The following PCBD2 variants were observed in gnomAD, a reference collection of about 807,000 sequenced individuals.
PCBD2 encodes pterin-4 alpha-carbinolamine dehydratase 2.
A neutral mutation model predicts 16.4 loss-of-function variants in PCBD2; 12 were observed. The observed-to-expected ratio is 0.73, with a 90% CI of 0.47 to 1.19. The LOEUF (loss-of-function observed/expected upper bound fraction) is 1.19. Among genes scored for constraint, PCBD2 ranks in the 50% most tolerant of loss-of-function variants. The pLI is 0.00. For synonymous variants in PCBD2, 58 were observed against 61.8 expected, an observed-to-expected ratio of 0.94 and a Z score of 0.29; for missense variants, 138 against 156.8, an observed-to-expected ratio of 0.88 and a Z score of 0.64.
chr5:134,920,296 T>C (rs1750887218), intron 2 of PCBD2, among the ~76,000 whole-genome samples: 1 of 152,236 alleles, frequency 6.6e-6, no homozygotes, highest in East Asian at 1.9e-4. Flanking sequence ...TACTGGGTCA[T>C]GTCACAGTTA....
At chr5:134,918,154 G>A (rs1191189351) in intron 2 of PCBD2, among the ~76,000 whole-genome samples, 1 of 152,206 alleles carries the variant, frequency 6.6e-6, no homozygotes, top group East Asian at 1.9e-4. Flanking sequence ...ACCTGTGGAG[G>A]ATAGGGAAGC....
At chr5:134,922,281 G>A (rs551143752) in intron 2 of PCBD2, among the ~76,000 whole-genome samples, 3 of 152,242 alleles carry the variant, frequency 2.0e-5, no homozygotes, top group East Asian at 3.9e-4. Flanking sequence ...CTGGGCTCAA[G>A]CGATCCTCCT....
chr5:134,922,663 CTTT>C (rs1428418013), intron 2 of PCBD2, among the ~76,000 whole-genome samples: 5 of 135,850 alleles, frequency 3.7e-5, no homozygotes, highest in Non-Finnish European at 6.5e-5. Flanking sequence ...GAAGGAAAAT[CTTT>C]TTTTTTTTTT....
intron 1 of PCBD2, among the ~76,000 whole-genome samples, chr5:134,905,997 C>T (rs1750683435): frequency 6.6e-6 from 1 of 151,758 alleles, no homozygotes; most frequent in Non-Finnish European, 1.5e-5. Flanking sequence ...CTCACCCTCC[C>T]GAGTAGCTGC....
chr5:134,940,882 C>A (rs1260912077), intron 2 of PCBD2, among the ~76,000 whole-genome samples: 1 of 152,074 alleles, frequency 6.6e-6, no homozygotes, highest in African/African-American at 2.4e-5. Context: ...GTAATCCCAG[C>A]ACTTTGGAAG....
chr5:134,942,322 C>T (rs1013424135), intron 2 of PCBD2, among the ~76,000 whole-genome samples: 2 of 151,968 alleles, frequency 1.3e-5, no homozygotes, highest in Admixed American at 6.6e-5. Flanking sequence ...TTATGAGGTG[C>T]GTGACTTTGG....
At chr5:134,944,791 T>G (rs1201867841) in intron 2 of PCBD2, among the ~76,000 whole-genome samples, 3 of 152,236 alleles carry the variant, frequency 2.0e-5, no homozygotes, top group African/African-American at 7.2e-5. Context: ...TTCTGCATGT[T>G]CCTAGAATGA....
Position 134,905,206 on chromosome 5 carries a change from C to G in PCBD2, c.67C>G (p.Leu23Val). The G allele has an allele frequency of 8.2e-7, 1 of 1,224,378 alleles. No homozygotes were observed. Among genetic ancestry groups the G allele is most frequent in the Non-Finnish European group, 1.0e-6 (1 of 983,370 alleles). 75.8% of individuals were successfully genotyped at this position (1,224,378 alleles called of 1,614,324 possible). A position where few individuals can be genotyped will look rare whatever the true frequency, so the allele number is the denominator to read the frequency against. The change falls in exon 1 of 4, where the codon CTA becomes GTA. Residue 23 changes from leucine (L) to valine (V), a missense_variant. Leu to Val is a conservative substitution (Grantham distance 32). Transcript: ENST00000254908. Reference protein sequence around the residue: ...RLLAALRGQSLGLAAMSSGTH... With the variant: ...RLLAALRGQSVGLAAMSSGTH... ...GTTGGCGGCGCTGCGAGGCCAGAGC[C>G]TAGGGCTAGCGGCCATGGTGAGTGC...
intron 2 of PCBD2, among the ~76,000 whole-genome samples, chr5:134,936,310 T>C (rs1376201951): frequency 2.0e-5 from 3 of 152,168 alleles, no homozygotes; most frequent in Non-Finnish European, 4.4e-5. Flanking sequence ...CCCCGGCCTC[T>C]CACACAGCCT....
At position 134,928,646 on chromosome 5, in the gene PCBD2, A is replaced by G. The variant is rs1466639741; in HGVS notation, c.216+18180A>G. The stretch of plus-strand genomic sequence containing the variant: ...TCAGGAGATTGAGACCATCCTGGCT[A>G]ACGTGGTGAAACCCCGTCTCTACTA... On this transcript the variant is annotated intron_variant, in intron 2 of 3. Coordinates refer to ENST00000254908, the MANE Select transcript of PCBD2 (RefSeq NM_032151.5). The G allele has an allele frequency of 1.8e-5, 3 of 169,966 alleles. No individual in the cohort carries two copies. The Admixed American group carries it at 1.9e-4, about 11-fold the overall frequency. The allele number at this position is 169,966 out of a possible 1,614,324, so 10.5% of individuals were successfully genotyped here. A position where few individuals can be genotyped will look rare whatever the true frequency, so the allele number is the denominator to read the frequency against.
intron 2 of PCBD2, among the ~76,000 whole-genome samples, chr5:134,955,805 G>C (rs936870111): frequency 6.6e-6 from 1 of 152,140 alleles, no homozygotes; most frequent in African/African-American, 2.4e-5. Context: ...TTAGCTCAAA[G>C]CCTTTGAGCT....
chr5:134,927,993 G>A (rs1751038411), intron 2 of PCBD2: 1 of 396,212 alleles, frequency 2.5e-6, no homozygotes, highest in African/African-American at 2.1e-5. Flanking sequence ...GGAGAGTCAT[G>A]TCAGTGGTAG....
intron 2 of PCBD2, among the ~76,000 whole-genome samples, chr5:134,952,473 T>G (rs544673625): frequency 2.3e-4 from 35 of 152,356 alleles, no homozygotes; most frequent in African/African-American, 8.2e-4. Context: ...TTTAAAATTA[T>G]GTTTGTTTGT....
At chr5:134,922,928 C>T (rs1421950114) in intron 2 of PCBD2, among the ~76,000 whole-genome samples, 11 of 151,998 alleles carry the variant, frequency 7.2e-5, no homozygotes, top group Admixed American at 1.3e-4. Flanking sequence ...CACCCACCTC[C>T]GCCTCCCAAA....
Position 134,941,008 on chromosome 5 carries a change from C to T in PCBD2, c.217-18032C>T, listed in dbSNP as rs540036894. 8.6e-5 allele frequency among the ~76,000 whole-genome samples: 13 copies of T among 151,320 alleles called. No individual in the cohort carries two copies. In the South Asian group the frequency reaches 1.7e-3, roughly 19 times the overall value. On this transcript the variant is annotated intron_variant, in intron 2 of 3. Transcript: ENST00000254908. ...CGCATGCCTGTAATCCCAGCTACTC[C>T]GGAGGCTGAGGCAGGAGAATCGCTT...
At chr5:134,923,856 G>T in intron 2 of PCBD2, 1 of 394,352 alleles carries the variant, frequency 2.5e-6, no homozygotes, top group South Asian at 1.3e-4. Context: ...ATGGGCGATC[G>T]ATGAGAAGGC....
intron 2 of PCBD2, among the ~76,000 whole-genome samples, chr5:134,940,286 AG>A (rs1751210021): frequency 6.6e-6 from 1 of 152,218 alleles, no homozygotes; most frequent in Non-Finnish European, 1.5e-5. Context: ...TCCGGGGTTT[AG>A]GGCAAGTAAC....
chr5:134,952,405 C>T (rs546142335), intron 2 of PCBD2, among the ~76,000 whole-genome samples: 5 of 152,178 alleles, frequency 3.3e-5, no homozygotes, highest in African/African-American at 4.8e-5. Flanking sequence ...ATTTGATGAG[C>T]GCTTTAAAAG....
At chr5:134,942,858 C>T (rs967878712) in intron 2 of PCBD2, among the ~76,000 whole-genome samples, 5 of 152,194 alleles carry the variant, frequency 3.3e-5, no homozygotes, top group Non-Finnish European at 7.3e-5. Flanking sequence ...TTTTGGATTC[C>T]TGGTCTGATG....
Sources: allele counts gnomAD v4.1 joint callset (sites outside exome capture counted in the v4.1 genomes callset), GRCh38; gene constraint gnomAD v4.1.1; transcripts MANE v1.5; gene names NCBI Gene and HGNC (gene_info 2026-07-23, HGNC 2026-07-21).